Variants in CTPS2 observed in about 807,000 individuals in gnomAD.
The protein encoded by CTPS2 is CTP synthase II.
A neutral mutation model predicts 46.8 loss-of-function variants in CTPS2; 19 were observed. The ratio of observed to expected loss-of-function variants is 0.41; its 90% CI spans 0.28 to 0.60. The LOEUF (loss-of-function observed/expected upper bound fraction) is 0.60, where lower values mean the gene tolerates loss of function less well. CTPS2 is among the 20% of genes least tolerant of loss of function. The probability of loss-of-function intolerance (pLI) is 0.35; values close to 1 mark genes in which losing one functional copy is unlikely to be tolerated. For missense variants in CTPS2, 286 were observed against 447.6 expected (o/e 0.64, Z 3.26); for synonymous variants, 151 against 165.2 (o/e 0.91, Z 0.66).
intron 17 of CTPS2, among the ~76,000 whole-genome samples, chrX:16,599,806 A>C (rs1225587240): frequency 9.8e-6 from 1 of 102,533 alleles, no homozygotes; most frequent in Non-Finnish European, 2.0e-5. Context: ...TTTGACACAC[A>C]GTCTCACTCT....
rs190667625 is a variant in CTPS2, at chrX:16,626,843, C to T, written c.1394-6511G>A. Among the ~76,000 whole-genome samples the T allele has an allele frequency of 1.7e-4, 19 of 110,697 alleles. No individual in the cohort carries two copies. In the East Asian group the frequency reaches 4.8e-3, roughly 28 times the overall value. ...CCTGTTCATCATCCTCAACTGGGGA[C>T]CCCTGCCCAAGACTGTACCCTCTTT... On this transcript the variant is annotated intron_variant, in intron 14 of 18. Transcript: ENST00000359276.
At chrX:16,606,525 G>A (rs1181838120) in intron 17 of CTPS2, among the ~76,000 whole-genome samples, 1 of 111,768 alleles carries the variant, frequency 8.9e-6, no homozygotes, top group Non-Finnish European at 1.9e-5. Flanking sequence ...AACAACCCCT[G>A]TGTGTAAGGG....
intron 7 of CTPS2, 105 bp downstream of exon 7, chrX:16,691,435 C>T: frequency 1.5e-6 from 1 of 658,527 alleles, no homozygotes; most frequent in South Asian, 2.6e-5. Context: ...TTCCCCAGTG[C>T]TTGCATAAAT....
At position 16,693,464 on chromosome X, in the gene CTPS2, G is replaced by T; in HGVS notation, c.462C>A (p.Ile154=). 8.3e-7 allele frequency: 1 copy of T among 1,204,360 alleles called. No homozygotes were observed. Among genetic ancestry groups the T allele is most frequent in the Non-Finnish European group, 1.1e-6 (1 of 889,577 alleles). Residue 154 remains isoleucine, a synonymous_variant, in exon 5 of 19, where the codon ATC becomes ATA. Coordinates refer to ENST00000359276, the MANE Select transcript of CTPS2 (RefSeq NM_175859.3). ...ACGCCTCCACAAACGGCATTCCTTCGATGTCTCCAATGGTGCCTCCCAGCT... is the reference window on the plus strand; with the variant it reads ...ACGCCTCCACAAACGGCATTCCTTCTATGTCTCCAATGGTGCCTCCCAGCT... ...VIELGGTIGD[I]EGMPFVEAFR... is the part of the protein sequence containing the mutation.
Position 16,609,528 on chromosome X carries a change from G to A in CTPS2, c.1691+13C>T. 8.3e-7 allele frequency: 1 copy of A among 1,209,399 alleles called. No homozygotes were observed. The highest frequency in any genetic ancestry group is 2.3e-4 in the Middle Eastern group (1 of 4,322). ...GCATCTTGGTTTATTGCTAAGAGCA[G>A]TAAGCTGGTTACCTGGAAGACAGTT... On this transcript the variant is annotated intron_variant, in intron 17 of 18. Transcript: ENST00000359276.
At chrX:16,706,796 G>T (rs1446069001) in intron 1 of CTPS2, among the ~76,000 whole-genome samples, 2 of 110,565 alleles carry the variant, frequency 1.8e-5, no homozygotes, top group African/African-American at 3.3e-5. Context: ...GGGTGGAGGA[G>T]GTTGCAGTGA....
chrX:16,659,447 C>G (rs773578188), intron 13 of CTPS2, among the ~76,000 whole-genome samples: 2 of 110,717 alleles, frequency 1.8e-5, no homozygotes, highest in East Asian at 5.7e-4. Context: ...CCCAAGCAAA[C>G]ACATCATGCC....
intron 13 of CTPS2, chrX:16,650,857 C>A: frequency 4.0e-6 from 2 of 499,875 alleles, no homozygotes; most frequent in Non-Finnish European, 6.7e-6. Flanking sequence ...GGTGCCATTC[C>A]GACCCCGACA....
intron 13 of CTPS2, among the ~76,000 whole-genome samples, chrX:16,648,277 G>A (rs754476738): frequency 5.5e-4 from 61 of 111,801 alleles, no homozygotes; most frequent in African/African-American, 1.9e-3. Flanking sequence ...TTTGTCCTTA[G>A]GAGACAGATG....
At position 16,698,932 on chromosome X, in the gene CTPS2, T is replaced by A. The variant is rs1460249681; in HGVS notation, c.328A>T (p.Thr110Ser). Residue 110 changes from threonine to serine, a missense_variant, in exon 3 of 19, where the codon ACA becomes TCA. Coordinates refer to ENST00000359276, the MANE Select transcript of CTPS2 (RefSeq NM_175859.3). The part of the protein sequence containing the change: ...KERRGDYLGK[T>S]VQVVPHITDA... The stretch of plus-strand genomic sequence containing the variant: ...CTGTGGAATATAATACCTTGCACTG[T>A]TTTCCCCAGGTAATCACCACGCCTC... 5.0e-6 allele frequency: 6 copies of A among 1,199,235 alleles called. No individual in the cohort carries two copies. Among genetic ancestry groups the A allele is most frequent in the African/African-American group, 1.8e-5 (1 of 56,877 alleles).
chrX:16,599,083 C>T (rs1929478293), intron 17 of CTPS2, among the ~76,000 whole-genome samples: 1 of 111,873 alleles, frequency 8.9e-6, no homozygotes, highest in Non-Finnish European at 1.9e-5. Flanking sequence ...CTATCTATGA[C>T]AAACCGACAG....
intron 14 of CTPS2, among the ~76,000 whole-genome samples, chrX:16,622,193 G>A (rs1164702134): frequency 9.1e-6 from 1 of 110,375 alleles, no homozygotes; most frequent in Non-Finnish European, 1.9e-5. Flanking sequence ...ATCACTTAAG[G>A]TCAGGAGTTC....
At chrX:16,657,969 G>T (rs1225924673) in intron 13 of CTPS2, among the ~76,000 whole-genome samples, 1 of 111,956 alleles carries the variant, frequency 8.9e-6, no homozygotes, top group Non-Finnish European at 1.9e-5. Context: ...ACTTTGGGAG[G>T]CTGAGGCAGG....
At chrX:16,624,144 T>A (rs73448279) in intron 14 of CTPS2, among the ~76,000 whole-genome samples, 1 of 110,530 alleles carries the variant, frequency 9.0e-6, no homozygotes, top group East Asian at 2.8e-4. Context: ...TACTCAATAA[T>A]GAATTGTTGA....
chrX:16,624,617 T>C (rs971828224), intron 14 of CTPS2, among the ~76,000 whole-genome samples: 2 of 111,931 alleles, frequency 1.8e-5, no homozygotes, highest in Non-Finnish European at 3.8e-5. Context: ...TACTGTTGAA[T>C]GTAAAATCTA....
Position 16,698,905 on chromosome X carries a change from G to A in CTPS2, c.337+18C>T, listed in dbSNP as rs375751811. On this transcript the variant is annotated intron_variant, in intron 3 of 18. Transcript: ENST00000359276. ...TATTCAGCACACAGGGCTCCATAAT[G>A]TCTGTGGAATATAATACCTTGCACT... The A allele has an allele frequency of 2.5e-6, 3 of 1,176,910 alleles. No homozygotes were observed. The African/African-American group carries it at 5.4e-5, about 21-fold the overall frequency.
chrX:16,642,912 T>C (rs1189321190), intron 13 of CTPS2, among the ~76,000 whole-genome samples: 1 of 112,260 alleles, frequency 8.9e-6, no homozygotes, highest in Non-Finnish European at 1.9e-5. Context: ...CATCTTCCAT[T>C]GCAAAAGGAT....
At chrX:16,619,946 G>C (rs1930730704) in intron 15 of CTPS2, among the ~76,000 whole-genome samples, 1 of 111,387 alleles carries the variant, frequency 9.0e-6, no homozygotes, top group Admixed American at 9.6e-5. Flanking sequence ...AAAATAAAGG[G>C]TGGGGGCTAA....
Position 16,598,484 on chromosome X carries a change from T to C in CTPS2, c.1692-7622A>G, listed in dbSNP as rs1465492728. 2.7e-5 allele frequency among the ~76,000 whole-genome samples: 3 copies of C among 111,685 alleles called. No individual in the cohort carries two copies. The South Asian group carries it at 1.1e-3, about 42-fold the overall frequency. The stretch of plus-strand genomic sequence containing the variant: ...AGAAATGGATAAATTCCTCGACACA[T>C]ACACCCTCCCAAGACTAAACCAGGA... On this transcript the variant is annotated intron_variant, in intron 17 of 18. Coordinates refer to ENST00000359276, the MANE Select transcript of CTPS2 (RefSeq NM_175859.3).
Sources: allele counts gnomAD v4.1 joint callset (sites outside exome capture counted in the v4.1 genomes callset), GRCh38; gene constraint gnomAD v4.1.1; transcripts MANE v1.5; gene names NCBI Gene and HGNC (gene_info 2026-07-23, HGNC 2026-07-21).